The following OCIAD1 variants were observed in gnomAD, a reference collection of about 807,000 sequenced individuals.
OCIAD1 encodes the protein OCIA domain containing 1.
A neutral mutation model predicts 38.9 loss-of-function variants in OCIAD1; 29 were observed. The ratio of observed to expected loss-of-function variants is 0.74; its 90% CI spans 0.55 to 1.02. The LOEUF (loss-of-function observed/expected upper bound fraction) is 1.02, where lower values mean the gene tolerates loss of function less well. Among genes scored for constraint, OCIAD1 ranks in the 50% least tolerant of loss-of-function variants. The probability of loss-of-function intolerance (pLI) is 0.00; values close to 1 mark genes in which losing one functional copy is unlikely to be tolerated. For synonymous variants in OCIAD1, 110 were observed against 92.0 expected (o/e 1.20, Z -1.12); for missense variants, 288 against 289.6 (o/e 0.99, Z 0.04).
At chr4:48,815,276 C>A (rs1274998211) in intron 1 of OCIAD1, among the ~76,000 whole-genome samples, 2 of 152,086 alleles carry the variant, frequency 1.3e-5, no homozygotes, top group Admixed American at 6.5e-5. Context: ...TCGCGCCACA[C>A]TCCAGCCCGG....
At chr4:48,843,054 C>A (rs1188329797) in intron 4 of OCIAD1, among the ~76,000 whole-genome samples, 1 of 152,110 alleles carries the variant, frequency 6.6e-6, no homozygotes, top group Non-Finnish European at 1.5e-5. Context: ...CGAAGTGATT[C>A]TTATATAATG....
chr4:48,840,804 C>A (rs1579070694), intron 3 of OCIAD1, among the ~76,000 whole-genome samples: 1 of 146,312 alleles, frequency 6.8e-6, no homozygotes, highest in African/African-American at 2.5e-5. Context: ...CGAGACCAGC[C>A]TGGGCAACTT....
At chr4:48,812,523 G>A (rs577111935) in intron 1 of OCIAD1, among the ~76,000 whole-genome samples, 1 of 151,994 alleles carries the variant, frequency 6.6e-6, no homozygotes, top group South Asian at 2.1e-4. Flanking sequence ...AAAAAGAAAA[G>A]GGGGCCAAAT....
intron 7 of OCIAD1, among the ~76,000 whole-genome samples, chr4:48,853,835 G>A (rs1434769175): frequency 1.3e-5 from 2 of 152,172 alleles, no homozygotes; most frequent in African/African-American, 4.8e-5. Context: ...TCGGGGCAAA[G>A]GGGTGAGTAT....
intron 1 of OCIAD1, among the ~76,000 whole-genome samples, chr4:48,819,716 CAAAAAAAAAAAAAA>C (rs576081813): frequency 9.6e-5 from 1 of 10,446 alleles, no homozygotes; most frequent in Admixed American, 2.1e-3. Flanking sequence ...TTACCAAGCG[CAAAAAAAAAAAAAA>C]AAAAAAAAAA....
chr4:48,833,230 C>T (rs1777681373), intron 2 of OCIAD1, among the ~76,000 whole-genome samples, 171 bp from the exon 3 acceptor site: 1 of 152,050 alleles, frequency 6.6e-6, no homozygotes, highest in Non-Finnish European at 1.5e-5. Context: ...CCAGCCTGGG[C>T]AACAAGAGTG....
At chr4:48,841,114 A>G (rs1434016051) in intron 3 of OCIAD1, among the ~76,000 whole-genome samples, 1 of 152,236 alleles carries the variant, frequency 6.6e-6, no homozygotes, top group Non-Finnish European at 1.5e-5. Flanking sequence ...ATCTAAAAAT[A>G]AAGTTTTGTT....
intron 3 of OCIAD1, among the ~76,000 whole-genome samples, chr4:48,840,375 A>C (rs1252504671): frequency 1.3e-5 from 2 of 152,246 alleles, no homozygotes; most frequent in East Asian, 3.8e-4. Context: ...TGTCCTTTGC[A>C]AAACCTTAAA....
chr4:48,857,577 T>G (rs2109624443), intron 8 of OCIAD1, among the ~76,000 whole-genome samples: 1 of 152,044 alleles, frequency 6.6e-6, no homozygotes, highest in South Asian at 2.1e-4. Context: ...TGGAGTGCAG[T>G]GGCACGATCT....
intron 7 of OCIAD1, among the ~76,000 whole-genome samples, chr4:48,852,924 CAGTCTGGACTGT>C (rs2109600662): frequency 7.5e-6 from 1 of 133,632 alleles, no homozygotes; most frequent in South Asian, 2.4e-4. Flanking sequence ...CTCTGTCGCC[CAGTCTGGACTGT>C]AGTGGTGCGA....
At chr4:48,810,551 C>T (rs1198439773) in intron 1 of OCIAD1, among the ~76,000 whole-genome samples, 2 of 150,694 alleles carry the variant, frequency 1.3e-5, no homozygotes, top group Non-Finnish European at 2.9e-5. Flanking sequence ...TCAAGGGATT[C>T]TCTTATCTGT....
At chr4:48,827,129 ATAAT>A (rs1435022954), upstream of OCIAD1, among the ~76,000 whole-genome samples, 2 of 152,226 alleles carry the variant, frequency 1.3e-5, no homozygotes, top group African/African-American at 2.4e-5. Flanking sequence ...ATGCTGAATA[ATAAT>A]TTATTGAATA....
At chr4:48,835,465 T>G (rs1459586471) in intron 3 of OCIAD1, among the ~76,000 whole-genome samples, 1 of 152,248 alleles carries the variant, frequency 6.6e-6, no homozygotes, top group Non-Finnish European at 1.5e-5. Flanking sequence ...TGTGTTTTTC[T>G]GTAACATAAG....
chr4:48,810,940 G>A (rs1777084005), intron 1 of OCIAD1, among the ~76,000 whole-genome samples: 1 of 139,830 alleles, frequency 7.2e-6, no homozygotes, highest in Non-Finnish European at 1.5e-5. Flanking sequence ...CTGTTGCCCA[G>A]GCTGGAATGC....
intron 5 of OCIAD1, 101 bp from the exon 6 acceptor site, chr4:48,849,846 A>G: frequency 1.1e-6 from 1 of 925,766 alleles, no homozygotes; most frequent in South Asian, 1.7e-5. Context: ...TAAACCAAAG[A>G]CTTATTTAGA....
chr4:48,852,882 G>GTTTTTTGTTTTTTTT (rs1553901200), intron 7 of OCIAD1, among the ~76,000 whole-genome samples: 1 of 126,338 alleles, frequency 7.9e-6, no homozygotes, highest in East Asian at 2.2e-4. Flanking sequence ...TTTGTTTTTT[G>GTTTTTTGTTTTTTTT]TTTTTTTTTT....
At chr4:48,852,878 T>TTTTTTTTTTTTTG (rs1315271846) in intron 7 of OCIAD1, among the ~76,000 whole-genome samples, 2,145 of 147,190 alleles carry the variant, frequency 0.015, 42 homozygotes, top group African/African-American at 0.051. Context: ...TTTTTTTGTT[T>TTTTTTTTTTTTTG]TTTGTTTTTT....
At position 48,856,560 on chromosome 4, in the gene OCIAD1, G is replaced by GT. The variant is rs1422431483; in HGVS notation, c.548-648dup. On this transcript the variant is annotated intron_variant, in intron 7 of 8. Coordinates refer to ENST00000264312, the MANE Select transcript of OCIAD1 (RefSeq NM_017830.4). Reference sequence around the variant, plus strand: ...TGCCACCACGCCCAACTAATTTTGTGTTTTTAGTAGAGATGAGGTTTCTTG... The same window carrying GT: ...TGCCACCACGCCCAACTAATTTTGTGTTTTTTAGTAGAGATGAGGTTTCTTG... 2.0e-5 allele frequency: 3 copies of GT among 152,008 alleles called. No individual in the cohort carries two copies. The East Asian group carries it at 5.8e-4, about 29-fold the overall frequency. The allele number at this position is 152,008 out of a possible 1,614,324, so 9.4% of individuals were successfully genotyped here. A position where few individuals can be genotyped will look rare whatever the true frequency, so the allele number is the denominator to read the frequency against.
chr4:48,858,889 T>C (rs1374578036), intron 8 of OCIAD1, among the ~76,000 whole-genome samples: 2 of 152,252 alleles, frequency 1.3e-5, no homozygotes, highest in Non-Finnish European at 2.9e-5. Flanking sequence ...AATTTTTTGA[T>C]ACAAGTTTAC....
Sources: gnomAD v4.1 joint callset for allele counts (sites outside exome capture counted in the v4.1 genomes callset) on GRCh38, gnomAD v4.1.1 for gene constraint, MANE v1.5 for transcripts, NCBI Gene and HGNC (gene_info 2026-07-23, HGNC 2026-07-21) for gene names.